Variants in RPH3AL observed in about 807,000 individuals in gnomAD.
The protein encoded by RPH3AL is rabphilin 3A like (without C2 domains).
In RPH3AL, 38 loss-of-function variants were observed where a neutral mutation model predicts 43.1. That is an observed-to-expected ratio of 0.88 (90% CI 0.68 to 1.15). The LOEUF (loss-of-function observed/expected upper bound fraction) is 1.15, where lower values mean the gene tolerates loss of function less well. RPH3AL is among the 50% of genes most tolerant of loss of function. RPH3AL has a pLI of 0.00. For missense variants in RPH3AL, 462 were observed against 423.2 expected (o/e 1.09, Z -0.81); for synonymous variants, 189 against 176.3 (o/e 1.07, Z -0.57).
At chr17:262,157 C>A (rs1197139676) in intron 6 of RPH3AL, among the ~76,000 whole-genome samples, 1 of 152,010 alleles carries the variant, frequency 6.6e-6, no homozygotes, top group Non-Finnish European at 1.5e-5. Context: ...TTGGGGTGGT[C>A]TAGGGGTCAA....
At chr17:237,873 T>G (rs934590183) in intron 7 of RPH3AL, among the ~76,000 whole-genome samples, 5 of 152,106 alleles carry the variant, frequency 3.3e-5, no homozygotes, top group South Asian at 2.1e-4. Context: ...GCAGGCCGGG[T>G]GCGGTGGCTC....
At chr17:231,822 G>C (rs900644732) in intron 7 of RPH3AL, among the ~76,000 whole-genome samples, 1 of 152,266 alleles carries the variant, frequency 6.6e-6, no homozygotes, top group African/African-American at 2.4e-5. Flanking sequence ...TGGGTCTCGG[G>C]CAAATTAGAG....
chr17:240,237 C>CAAAAAAAA (rs56048443), intron 7 of RPH3AL, among the ~76,000 whole-genome samples: 12 of 140,208 alleles, frequency 8.6e-5, no homozygotes, highest in Non-Finnish European at 1.4e-4. Context: ...AACTCCATCT[C>CAAAAAAAA]AAAAAAAAAA....
intron 7 of RPH3AL, among the ~76,000 whole-genome samples, chr17:242,766 T>C (rs1555537647): frequency 3.0e-5 from 3 of 99,372 alleles, no homozygotes; most frequent in Admixed American, 9.6e-5. Flanking sequence ...ATTGATTACC[T>C]TCCTCTATTG....
rs929525497 is a variant in RPH3AL, at chr17:225,601, G to A, written c.614-5865C>T. ...TAGAGGCCTGTGGCTCACACTTCCC[G>A]GGAGCAGGGAGGTGTCCAGCAGGAG... On this transcript the variant is annotated intron_variant, in intron 7 of 9. Transcript: ENST00000331302. This position sits in a 1 kb window ranked among gnomAD's most constrained non-coding sequence, Gnocchi z 4.4. Among the ~76,000 whole-genome samples the A allele has an allele frequency of 1.3e-5, 2 of 152,262 alleles. No homozygotes were observed. The highest frequency in any genetic ancestry group is 1.9e-4 in the East Asian group (1 of 5,174).
At chr17:240,522 C>G (rs146336231) in intron 7 of RPH3AL, among the ~76,000 whole-genome samples, 1 of 152,136 alleles carries the variant, frequency 6.6e-6, no homozygotes, top group Non-Finnish European at 1.5e-5. Flanking sequence ...TTGTTCCCAC[C>G]GGCTCATATA....
In RPH3AL at chr17:246,973, C is replaced by T; in HGVS notation, c.613+138G>A. On this transcript the variant is annotated intron_variant, in intron 7 of 9. Transcript: ENST00000331302. This position sits in a 1 kb window ranked among gnomAD's most constrained non-coding sequence, Gnocchi z 4.8. ...TCGGGAGAAGGTGTGGAGCTGAGGG[C>T]ACAGGGAGGGACGCATCACCAGAAT... The T allele has an allele frequency of 4.4e-6, 4 of 899,764 alleles. No individual in the cohort carries two copies. The highest frequency in any genetic ancestry group is 7.1e-6 in the Non-Finnish European group (4 of 561,378). The allele number at this position is 899,764 out of a possible 1,614,324, so 55.7% of individuals were successfully genotyped here.
chr17:257,469 G>A (rs377160305), intron 6 of RPH3AL, among the ~76,000 whole-genome samples: 20 of 20,078 alleles, frequency 1.0e-3, no homozygotes, highest in Non-Finnish European at 2.2e-3. Flanking sequence ...GCTGCACGGC[G>A]TCTGTCCTTT....
intron 6 of RPH3AL, among the ~76,000 whole-genome samples, chr17:257,730 G>A (rs2042089552): frequency 3.5e-5 from 2 of 57,708 alleles, no homozygotes; most frequent in African/African-American, 7.2e-5. Flanking sequence ...GAGGGGAGCC[G>A]CACGGTGTCT....
In RPH3AL at chr17:233,680, A is replaced by G. The variant is rs550006280; in HGVS notation, c.613+13431T>C. ...CATTTTTCTTGCAACAGGCACCCCT[A>G]TTGGTCTGTCTTCTTTCTTTTCACA... On this transcript the variant is annotated intron_variant, in intron 7 of 9. Transcript: ENST00000331302. Among the ~76,000 whole-genome samples the G allele has an allele frequency of 2.4e-4, 36 of 152,290 alleles. No homozygotes were observed. In the South Asian group the frequency reaches 5.4e-3, roughly 23 times the overall value.
At chr17:265,087 A>G (rs1475697798) in intron 6 of RPH3AL, among the ~76,000 whole-genome samples, 1 of 152,176 alleles carries the variant, frequency 6.6e-6, no homozygotes, top group African/African-American at 2.4e-5. Context: ...GGGAATTAAG[A>G]GACATTTTTT....
intron 5 of RPH3AL, among the ~76,000 whole-genome samples, chr17:307,364 C>T (rs1205158067): frequency 3.4e-5 from 5 of 146,468 alleles, no homozygotes; most frequent in East Asian, 2.0e-4. Context: ...GTCCATCCTA[C>T]GGCAGGTCCA....
intron 6 of RPH3AL, among the ~76,000 whole-genome samples, chr17:275,233 C>CAAAA (rs200330448): frequency 3.0e-5 from 2 of 67,098 alleles, no homozygotes; most frequent in African/African-American, 4.7e-5. Context: ...TTCATAACAG[C>CAAAA]AAAAAAAACA....
At chr17:234,430 C>T (rs140732886) in intron 7 of RPH3AL, 1 of 165,622 alleles carries the variant, frequency 6.0e-6, no homozygotes, top group Non-Finnish European at 1.3e-5. Flanking sequence ...AGGGAGGTAT[C>T]GGAAGCCCTT....
chr17:351,558 C>A (rs1242946429), intron 1 of RPH3AL, among the ~76,000 whole-genome samples: 2 of 152,152 alleles, frequency 1.3e-5, no homozygotes, highest in African/African-American at 2.4e-5. Context: ...CCTCCTGCAC[C>A]CCGCCTGTCT....
At chr17:343,430 C>A (rs1326853251) in intron 1 of RPH3AL, among the ~76,000 whole-genome samples, 1 of 152,234 alleles carries the variant, frequency 6.6e-6, no homozygotes, top group Non-Finnish European at 1.5e-5. Flanking sequence ...GGTAGCCCTG[C>A]CAGCAGGCTG....
chr17:325,671 T>A (rs2044602549), intron 3 of RPH3AL, among the ~76,000 whole-genome samples: 1 of 152,218 alleles, frequency 6.6e-6, no homozygotes, highest in African/African-American at 2.4e-5. Context: ...CCTGGGTAAC[T>A]ATTCAAATAA....
At chr17:253,851 G>A (rs1173783038) in intron 6 of RPH3AL, among the ~76,000 whole-genome samples, 1 of 58,748 alleles carries the variant, frequency 1.7e-5, no homozygotes, top group Non-Finnish European at 3.3e-5. Context: ...GCCGCACGGC[G>A]TCTGTCCTGT....
At chr17:351,398 G>A (rs1257549746) in intron 1 of RPH3AL, among the ~76,000 whole-genome samples, 2 of 152,032 alleles carry the variant, frequency 1.3e-5, no homozygotes, top group Admixed American at 1.3e-4. Context: ...TGAGACTGAC[G>A]GTCCTCCACA....
Sources: allele counts gnomAD v4.1 joint callset (sites outside exome capture counted in the v4.1 genomes callset), GRCh38; gene constraint gnomAD v4.1.1; non-coding constraint Gnocchi (gnomAD v3.1); transcripts MANE v1.5; gene names NCBI Gene and HGNC (gene_info 2026-07-23, HGNC 2026-07-21).